The following MEIS2 variants were observed in gnomAD, a reference collection of about 807,000 sequenced individuals.
The protein encoded by MEIS2 is homeobox protein Meis2.
MEIS2 carries 9 observed loss-of-function variants against 58.6 expected under a neutral mutation model. The ratio of observed to expected loss-of-function variants is 0.15; its 90% CI spans 0.09 to 0.27. The LOEUF is 0.27. Among genes scored for constraint, MEIS2 ranks in the 10% least tolerant of loss-of-function variants. The pLI is 1.00. For synonymous variants in MEIS2, 221 were observed against 228.4 expected (o/e 0.97, Z 0.29); for missense variants, 427 against 635.0 (o/e 0.67, Z 3.52).
intron 8 of MEIS2, among the ~76,000 whole-genome samples, chr15:36,978,134 CAATT>C (rs1449745176): frequency 6.6e-6 from 1 of 152,198 alleles, no homozygotes; most frequent in African/African-American, 2.4e-5. Context: ...AATTTCTTAA[CAATT>C]AATCCATGTT....
At chr15:36,894,817 A>G (rs1298053326) in intron 11 of MEIS2, 1 of 1,605,244 alleles carries the variant, frequency 6.2e-7, no homozygotes, top group Admixed American at 1.7e-5. Context: ...TAGGTCCTAG[A>G]AAGGAGATAA....
intron 8 of MEIS2, among the ~76,000 whole-genome samples, chr15:37,003,117 C>T (rs1272977453): frequency 6.6e-6 from 1 of 152,138 alleles, no homozygotes; most frequent in Admixed American, 6.5e-5. Context: ...GCAAACCAAC[C>T]TGCTGCACAG....
At chr15:37,035,555 A>G (rs1431065446) in intron 8 of MEIS2, among the ~76,000 whole-genome samples, 1 of 152,214 alleles carries the variant, frequency 6.6e-6, no homozygotes, top group Non-Finnish European at 1.5e-5. Context: ...GAGCCGAGTC[A>G]GTGCAGGGCC....
intron 9 of MEIS2, among the ~76,000 whole-genome samples, chr15:36,903,232 C>T (rs574441280): frequency 1.2e-4 from 18 of 152,264 alleles, no homozygotes; most frequent in African/African-American, 4.1e-4. Flanking sequence ...AGCACTGTTA[C>T]TCTTACAGAA....
At chr15:37,070,151 G>T (rs945875350) in intron 7 of MEIS2, among the ~76,000 whole-genome samples, 7 of 151,626 alleles carry the variant, frequency 4.6e-5, no homozygotes, top group Non-Finnish European at 8.8e-5. Flanking sequence ...AAGGCACATT[G>T]TTTGATTAAT....
chr15:37,023,045 CT>C (rs1254070651), intron 8 of MEIS2, among the ~76,000 whole-genome samples: 2 of 152,128 alleles, frequency 1.3e-5, no homozygotes, highest in Non-Finnish European at 2.9e-5. Flanking sequence ...CATATTTTTG[CT>C]AGTTTAGTGT....
At chr15:37,060,948 C>A (rs1171475121) in intron 7 of MEIS2, among the ~76,000 whole-genome samples, 1 of 152,136 alleles carries the variant, frequency 6.6e-6, no homozygotes, top group Non-Finnish European at 1.5e-5. Flanking sequence ...GGGTATCACA[C>A]ACTTGGCAGC....
intron 7 of MEIS2, among the ~76,000 whole-genome samples, chr15:37,056,557 C>T (rs1215596350): frequency 6.6e-6 from 1 of 152,188 alleles, no homozygotes; most frequent in African/African-American, 2.4e-5. Flanking sequence ...GCTCGGCAGC[C>T]CCCGCCAGAA....
chr15:36,916,458 G>T (rs1336304053), intron 9 of MEIS2, among the ~76,000 whole-genome samples: 3 of 150,928 alleles, frequency 2.0e-5, no homozygotes, highest in Non-Finnish European at 4.4e-5. Context: ...AAGAGACAGG[G>T]TCTCACTTTT....
chr15:37,000,021 G>A (rs72710630), intron 8 of MEIS2, among the ~76,000 whole-genome samples: 7,584 of 152,198 alleles, frequency 0.05, 255 homozygotes, highest in Non-Finnish European at 0.071. Context: ...GAAACAAGTT[G>A]TACCCTTTTT....
intron 7 of MEIS2, among the ~76,000 whole-genome samples, chr15:37,040,693 C>T (rs1244654930): frequency 6.6e-6 from 1 of 152,156 alleles, no homozygotes; most frequent in African/African-American, 2.4e-5. Context: ...TTTGGGTAAA[C>T]ATACTCAAAA....
intron 8 of MEIS2, among the ~76,000 whole-genome samples, chr15:36,993,427 C>A (rs985313709): frequency 7.9e-5 from 12 of 151,970 alleles, no homozygotes; most frequent in African/African-American, 2.9e-4. Flanking sequence ...TAGTATATTT[C>A]TTCAAGGTGA....
chr15:36,898,579 T>C (rs1217631487), intron 9 of MEIS2: 1 of 152,214 alleles, frequency 6.6e-6, no homozygotes, highest in Non-Finnish European at 1.5e-5. Flanking sequence ...AATTTCACTC[T>C]TTTATTCTTT....
chr15:36,918,270 G>A (rs1365695771), intron 9 of MEIS2, among the ~76,000 whole-genome samples: 1 of 152,176 alleles, frequency 6.6e-6, no homozygotes, highest in African/African-American at 2.4e-5. Context: ...TATGCGATTT[G>A]GAAATCTGGG....
intron 9 of MEIS2, among the ~76,000 whole-genome samples, chr15:36,931,791 T>C (rs2057988553): frequency 6.6e-6 from 1 of 152,222 alleles, no homozygotes; most frequent in African/African-American, 2.4e-5. Context: ...CTAAATTACA[T>C]TTACACCCAT....
chr15:37,015,977 A>T (rs1293526301), intron 8 of MEIS2, among the ~76,000 whole-genome samples: 1 of 152,158 alleles, frequency 6.6e-6, no homozygotes, highest in Non-Finnish European at 1.5e-5. Context: ...CCCACAGCAC[A>T]TGGATGACTC....
At chr15:36,979,946 T>G (rs1206940127) in intron 8 of MEIS2, among the ~76,000 whole-genome samples, 5 of 150,354 alleles carry the variant, frequency 3.3e-5, no homozygotes, top group Non-Finnish European at 7.4e-5. Flanking sequence ...TAGATATTAT[T>G]AGAAATTTAG....
At position 37,096,384 on chromosome 15, in the gene MEIS2, G is replaced by C; in HGVS notation, c.292C>G (p.Leu98Val). The change falls in exon 3 of 12, where the codon CTG becomes GTG. Residue 98 changes from leucine to valine, a missense_variant. By Grantham distance (32) the Leu-to-Val change is conservative. Around this residue, in one of 6 missense-constraint regions of MEIS2, gnomAD observed 138 missense variants for 263.0 expected, o/e 0.52. Transcript: ENST00000561208. Reference protein sequence around the residue: ...LLALVFEKCELATCTPREPGV... With the variant: ...LLALVFEKCEVATCTPREPGV... ...GGTTCCCGGGGAGTGCAGGTCGCCAGCTCGCACTTCTCAAAGACCAGAGCT... is the reference window on the plus strand; with the variant it reads ...GGTTCCCGGGGAGTGCAGGTCGCCACCTCGCACTTCTCAAAGACCAGAGCT... The C allele has an allele frequency of 6.2e-7, 1 of 1,614,070 alleles. No individual in the cohort carries two copies. The highest frequency in any genetic ancestry group is 2.2e-5 in the East Asian group (1 of 44,868).
intron 9 of MEIS2, among the ~76,000 whole-genome samples, chr15:36,945,083 ACTTTT>A (rs2058514353): frequency 2.6e-5 from 4 of 152,038 alleles, no homozygotes. Flanking sequence ...TTTGAAAATG[ACTTTT>A]CTTTGCTGTA....
Sources: gnomAD v4.1 joint callset for allele counts (sites outside exome capture counted in the v4.1 genomes callset) on GRCh38, gnomAD v4.1.1 for gene constraint, gnomAD v4.1.1 regional missense constraint, MANE v1.5 for transcripts, NCBI Gene and HGNC (gene_info 2026-07-23, HGNC 2026-07-21) for gene names.